Variants in ETV6 observed in about 807,000 individuals in gnomAD.
ETV6 encodes ETS variant transcription factor 6, also known as transcription factor ETV6.
In ETV6, 16 loss-of-function variants were observed where a neutral mutation model predicts 51.1. The ratio of observed to expected loss-of-function variants is 0.31; its 90% CI spans 0.21 to 0.48. The LOEUF is 0.48. Among genes scored for constraint, ETV6 ranks in the 20% least tolerant of loss-of-function variants. The probability of loss-of-function intolerance (pLI) is 0.99; values close to 1 mark genes in which losing one functional copy is unlikely to be tolerated. For missense variants in ETV6, 458 were observed against 594.8 expected (o/e 0.77, Z 2.39); for synonymous variants, 240 against 224.1 (o/e 1.07, Z -0.64).
chr12:11,699,431 T>C (rs1864937540), intron 1 of ETV6, among the ~76,000 whole-genome samples: 1 of 152,216 alleles, frequency 6.6e-6, no homozygotes, highest in Non-Finnish European at 1.5e-5. Flanking sequence ...CATAGGTCTA[T>C]TTTTCCAGCC....
intron 1 of ETV6, among the ~76,000 whole-genome samples, chr12:11,735,577 CACTT>C (rs1462106111): frequency 6.6e-6 from 1 of 152,152 alleles, no homozygotes; most frequent in African/African-American, 2.4e-5. Flanking sequence ...CCTGGCTTGT[CACTT>C]ACGATGATGA....
chr12:11,887,375 G>C (rs1947209657), intron 7 of ETV6, among the ~76,000 whole-genome samples: 1 of 152,128 alleles, frequency 6.6e-6, no homozygotes, highest in African/African-American at 2.4e-5. Flanking sequence ...AGAGTTTCCT[G>C]TAGGCTGTGT....
At chr12:11,741,034 T>A (rs371803814) in intron 1 of ETV6, among the ~76,000 whole-genome samples, 1 of 152,202 alleles carries the variant, frequency 6.6e-6, no homozygotes, top group East Asian at 1.9e-4. Context: ...GGCTTTTATC[T>A]TGGAAAAGCC....
intron 4 of ETV6, among the ~76,000 whole-genome samples, chr12:11,862,554 G>A (rs1158710161): frequency 9.2e-5 from 14 of 152,154 alleles, no homozygotes; most frequent in Non-Finnish European, 1.5e-5. Flanking sequence ...CTCTCTTCTC[G>A]TTTCTGGTGG....
intron 1 of ETV6, among the ~76,000 whole-genome samples, chr12:11,667,436 T>C (rs985242577): frequency 6.6e-6 from 1 of 152,196 alleles, no homozygotes; most frequent in Non-Finnish European, 1.5e-5. Flanking sequence ...AGAATTAGCA[T>C]GTCACAATCT....
rs570244453 is a variant in ETV6 at position 11,705,436 on chromosome 12, C to T, written c.34-47014C>T. On this transcript the variant is annotated intron_variant, in intron 1 of 7. Transcript: ENST00000396373. ...TCTGCCCTGGCCTTCAGATGATTTT[C>T]GAGCGGCTTTCGATTAGATTATCTG... 2.3e-4 allele frequency among the ~76,000 whole-genome samples: 35 copies of T among 152,290 alleles called. 1 individual carries two copies. In the South Asian group the frequency reaches 6.8e-3, roughly 30 times the overall value.
chr12:11,735,453 T>G (rs1380575195), intron 1 of ETV6, among the ~76,000 whole-genome samples: 1 of 152,220 alleles, frequency 6.6e-6, no homozygotes, highest in Non-Finnish European at 1.5e-5. Context: ...TTGTCTGTTT[T>G]GGAGTTTGAA....
intron 1 of ETV6, among the ~76,000 whole-genome samples, chr12:11,731,510 C>T (rs1452140984): frequency 6.6e-6 from 1 of 151,970 alleles, no homozygotes; most frequent in East Asian, 1.9e-4. Flanking sequence ...TTGAAATTTC[C>T]CACTGTTATT....
At chr12:11,818,671 A>G (rs752187252) in intron 2 of ETV6, among the ~76,000 whole-genome samples, 26 of 152,138 alleles carry the variant, frequency 1.7e-4, no homozygotes, top group Admixed American at 8.5e-4. Flanking sequence ...TGAGCCTAAA[A>G]TCTGTGCTTT....
intron 1 of ETV6, among the ~76,000 whole-genome samples, chr12:11,681,765 C>G (rs1257771907): frequency 6.6e-6 from 1 of 152,140 alleles, no homozygotes; most frequent in East Asian, 1.9e-4. Flanking sequence ...ATGTTCCCCT[C>G]CGTGTCCATG....
intron 1 of ETV6, among the ~76,000 whole-genome samples, chr12:11,741,714 G>C (rs1298666112): frequency 2.6e-5 from 4 of 152,204 alleles, no homozygotes. Flanking sequence ...TATGGTTAAA[G>C]GTAGGACAGT....
At chr12:11,828,648 G>A (rs991529199) in intron 2 of ETV6, among the ~76,000 whole-genome samples, 3 of 152,172 alleles carry the variant, frequency 2.0e-5, no homozygotes, top group African/African-American at 7.2e-5. Context: ...AAATATTTGT[G>A]TCCATGTGCC....
At chr12:11,794,684 A>G (rs1452304003) in intron 2 of ETV6, among the ~76,000 whole-genome samples, 1 of 152,198 alleles carries the variant, frequency 6.6e-6, no homozygotes. Context: ...ATGGCTATGC[A>G]AGATAAACCA....
intron 1 of ETV6, among the ~76,000 whole-genome samples, chr12:11,702,235 A>G (rs576909044): frequency 6.6e-6 from 1 of 152,312 alleles, no homozygotes; most frequent in African/African-American, 2.4e-5. Flanking sequence ...GCTCATGGTC[A>G]GGTGCATCGG....
At chr12:11,675,561 C>G (rs1489015144) in intron 1 of ETV6, among the ~76,000 whole-genome samples, 2 of 152,158 alleles carry the variant, frequency 1.3e-5, no homozygotes, top group Non-Finnish European at 2.9e-5. Context: ...CTTATATTCT[C>G]AACATTTTAG....
rs137983216 is a variant in ETV6, at chr12:11,828,883, C to T, written c.164-10257C>T. Among the ~76,000 whole-genome samples the T allele has an allele frequency of 4.2e-4, 64 of 152,214 alleles. No homozygotes were observed. In the East Asian group the frequency reaches 9.8e-3, roughly 23 times the overall value. ...ATTAATTTTGATTTTTAAAATATTG[C>T]GTTACATGACTTAATCTTGATTACT... On this transcript the variant is annotated intron_variant, in intron 2 of 7. Coordinates refer to ENST00000396373, the MANE Select transcript of ETV6 (RefSeq NM_001987.5).
intron 1 of ETV6, among the ~76,000 whole-genome samples, chr12:11,700,559 T>C (rs749184671): frequency 4.6e-5 from 7 of 152,240 alleles, no homozygotes; most frequent in Non-Finnish European, 1.0e-4. Flanking sequence ...CTAGAAGCTT[T>C]ACCGATAACG....
chr12:11,751,356 A>T (rs767497032), intron 1 of ETV6: 1 of 518,900 alleles, frequency 1.9e-6, no homozygotes, highest in Non-Finnish European at 3.8e-6. Context: ...TTATTTTCAT[A>T]GTGGCATCTT....
intron 1 of ETV6, among the ~76,000 whole-genome samples, chr12:11,703,788 A>C (rs1304638715): frequency 1.8e-4 from 28 of 152,202 alleles, no homozygotes; most frequent in Admixed American, 1.8e-3. Context: ...GGGAGTTTGA[A>C]CCAAATAATC....
Sources: gnomAD v4.1 joint callset for allele counts (sites outside exome capture counted in the v4.1 genomes callset) on GRCh38, gnomAD v4.1.1 for gene constraint, MANE v1.5 for transcripts, NCBI Gene and HGNC (gene_info 2026-07-23, HGNC 2026-07-21) for gene names.